MYLK3: variants seen among roughly 807,000 people sequenced by gnomAD.
The protein encoded by MYLK3 is MLC kinase.
MYLK3 carries 55 observed loss-of-function variants against 76.3 expected under a neutral mutation model. The observed-to-expected ratio is 0.72, with a 90% CI of 0.58 to 0.90. MYLK3 has a LOEUF of 0.90. MYLK3 is among the 40% of genes least tolerant of loss of function. The pLI is 0.00. For missense variants in MYLK3, 973 were observed against 1,053.6 expected, an observed-to-expected ratio of 0.92 and a Z score of 1.06; for synonymous variants, 416 against 425.4, an observed-to-expected ratio of 0.98 and a Z score of 0.27.
At chr16:46,744,267 C>T (rs955121438) in intron 1 of MYLK3, among the ~76,000 whole-genome samples, 12 of 143,552 alleles carry the variant, frequency 8.4e-5, no homozygotes, top group African/African-American at 1.8e-4. Flanking sequence ...CTCCTGACCT[C>T]GTGATCTGCC....
chr16:46,728,827 T>C (rs1406537185), intron 7 of MYLK3, among the ~76,000 whole-genome samples, 197 bp downstream of exon 7: 2 of 152,136 alleles, frequency 1.3e-5, no homozygotes, highest in African/African-American at 4.8e-5. Flanking sequence ...TGGCCACTGG[T>C]TTGTGACAAA....
upstream of MYLK3, among the ~76,000 whole-genome samples, chr16:46,752,367 T>A (rs1415108431): frequency 6.6e-6 from 1 of 152,162 alleles, no homozygotes; most frequent in Non-Finnish European, 1.5e-5. Context: ...CCTGCATAAC[T>A]GGGATTACAG....
In MYLK3 at chr16:46,732,628, T is replaced by A; in HGVS notation, c.1042A>T (p.Met348Leu). 1 of 1,566,382 alleles carries A rather than the reference T, an allele frequency of 6.4e-7. No homozygotes were observed. Among genetic ancestry groups the A allele is most frequent in the Non-Finnish European group, 8.6e-7 (1 of 1,162,848 alleles). Residue 348 changes from methionine to leucine, a missense_variant, in exon 4 of 13, where the codon ATG becomes TTG. Met to Leu is a conservative substitution (Grantham distance 15). This residue lies in a region of MYLK3 where 641 missense variants were observed against 637.0 expected (regional missense o/e 1.01). Transcript: ENST00000394809. ...AGGCTGCCCCTGCCTGTCATCAGCA[T>A]CTCCCCAGGAGTATCCATCTCTTGT... is the stretch of plus-strand genomic sequence containing the variant. ...HIQEMDTPGE[M>L]LMTGRGSLGP... is the part of the protein sequence containing the mutation.
chr16:46,732,501 C>A lies in MYLK3; in HGVS notation c.1169G>T (p.Gly390Val). Residue 390 changes from glycine (G) to valine (V), a missense_variant, in exon 4 of 13, where the codon GGA becomes GTA. Transcript: ENST00000394809. ...RCLQAPGTEPGEQTPEGAREL... is the reference protein window; with the variant it reads ...RCLQAPGTEPVEQTPEGAREL... ...TCTGGCTCCTTCAGGGGTCTGTTCT[C>A]CGGGCTCAGTCCCAGGGGCTTGGAG... 1 of 1,607,480 alleles carries A rather than the reference C, an allele frequency of 6.2e-7. No homozygotes were observed. Among genetic ancestry groups the A allele is most frequent in the Middle Eastern group, 1.7e-4 (1 of 6,056 alleles).
At chr16:46,719,136 G>A (rs933230014) in intron 9 of MYLK3, among the ~76,000 whole-genome samples, 1 of 152,012 alleles carries the variant, frequency 6.6e-6, no homozygotes, top group Admixed American at 6.6e-5. Context: ...AGACCATCCT[G>A]GCCAACATGG....
rs576051348 is a variant in MYLK3 at position 46,704,643 on chromosome 16, A to G, written c.*3061T>C. On this transcript the variant is annotated 3_prime_UTR_variant, in exon 13 of 13. Transcript: ENST00000394809. ...TATTTTTGATACACTAAGTTATATA[A>G]ATTATTAAAATTGGCTTTCAATGGG... 1.3e-4 allele frequency: 20 copies of G among 152,260 alleles called. No individual in the cohort carries two copies. Among genetic ancestry groups the G allele is most frequent in the Admixed American group, 4.6e-4 (7 of 15,298 alleles). The allele number at this position is 152,260 out of a possible 1,614,324, so 9.4% of individuals were successfully genotyped here.
chr16:46,730,957 C>G (rs1966851491), intron 4 of MYLK3, among the ~76,000 whole-genome samples: 1 of 152,268 alleles, frequency 6.6e-6, no homozygotes. Flanking sequence ...TCTATCCAGT[C>G]TGTTCATGAC....
At position 46,720,644 on chromosome 16, in the gene MYLK3, T is replaced by A. The variant is rs117526359; in HGVS notation, c.1985+479A>T. Among the ~76,000 whole-genome samples the A allele has an allele frequency of 2.0e-4, 31 of 152,328 alleles. No homozygotes were observed. The East Asian group carries it at 6.0e-3, about 29-fold the overall frequency. ...GTATTATATCACCATTTCACCAAGA[T>A]GTAAACCAGTCCTGAGTGGTTACAG... On this transcript the variant is annotated intron_variant, in intron 9 of 12. Transcript: ENST00000394809.
intron 8 of MYLK3, 127 bp from the exon 9 acceptor site, chr16:46,721,320 G>T: frequency 1.3e-6 from 1 of 757,674 alleles, no homozygotes; most frequent in South Asian, 1.6e-5. Context: ...GCCCTGCAAG[G>T]GCTGGATAGA....
chr16:46,760,488 A>G lies in MYLK3; in HGVS notation c.-114+2552T>C, dbSNP rs1303786808. 2.0e-5 allele frequency among the ~76,000 whole-genome samples: 3 copies of G among 152,194 alleles called. No individual in the cohort carries two copies. The East Asian group carries it at 5.8e-4, about 29-fold the overall frequency. ...TCTGAGCTCTGCTTGTGCCATGGGA[A>G]ACCCCAAAAGTCTGGACAGGAGTGA... is the stretch of plus-strand genomic sequence containing the variant. On this transcript the variant is annotated intron_variant, in intron 1 of 11. Coordinates refer to the MYLK3 transcript ENST00000536476.
chr16:46,757,418 T>TTACCGCAAA, intron 1 of MYLK3: 1 of 985,464 alleles, frequency 1.0e-6, no homozygotes, highest in Non-Finnish European at 1.2e-6. Context: ...AGAGCTGCCC[T>TTACCGCAAA]TACCGCAAAT....
rs1455658869 is a variant in MYLK3 at position 46,737,811 on chromosome 16, C to T, written c.901G>A (p.Gly301Ser). ...CCAGGCCCTGGAGTCAGCCTCGTGC[C>T]TTCCTCTAAGGGCTCAGGGTCAGGC... is the stretch of plus-strand genomic sequence containing the variant. ...SRPDPEPLEE[G>S]TRLTPGPGPQ... The change falls in exon 3 of 13, where the codon GGC becomes AGC. Residue 301 changes from glycine (G) to serine (S), a missense_variant. Physicochemically the swap from Gly to Ser is moderately conservative, Grantham distance 56. Transcript: ENST00000394809. 1 of 1,613,194 alleles carries T rather than the reference C, an allele frequency of 6.2e-7. No individual in the cohort carries two copies. Among genetic ancestry groups the T allele is most frequent in the Non-Finnish European group, 8.5e-7 (1 of 1,180,038 alleles).
intron 1 of MYLK3, among the ~76,000 whole-genome samples, chr16:46,761,804 C>T (rs568820256): frequency 6.6e-6 from 1 of 151,872 alleles, no homozygotes; most frequent in South Asian, 2.1e-4. Context: ...GGCAACAGAG[C>T]GAGACTCCAT....
chr16:46,730,383 G>A (rs36459), intron 5 of MYLK3, among the ~76,000 whole-genome samples: 149,937 of 152,206 alleles, frequency 0.99, 73,879 homozygotes, highest in East Asian at 1. Context: ...GATGCCACGT[G>A]GGCTCTCGTG....
rs566301148 is a variant in MYLK3 at position 46,736,813 on chromosome 16, G to A, written c.1001+898C>T. On this transcript the variant is annotated intron_variant, in intron 3 of 12. Coordinates refer to ENST00000394809, the MANE Select transcript of MYLK3 (RefSeq NM_182493.3). Reference sequence around the variant, plus strand: ...ATGCTAGGAAACACCAGGTCCCTCCGAGAGAAGCCCGGGGCCACAGCGCCC... The same window carrying A: ...ATGCTAGGAAACACCAGGTCCCTCCAAGAGAAGCCCGGGGCCACAGCGCCC... Among the ~76,000 whole-genome samples the A allele has an allele frequency of 1.2e-4, 19 of 152,326 alleles. No homozygotes were observed. The South Asian group carries it at 1.9e-3, about 15-fold the overall frequency.
chr16:46,740,011 C>A (rs1235976911), intron 2 of MYLK3, 46 bp downstream of exon 2: 1 of 1,363,780 alleles, frequency 7.3e-7, no homozygotes, highest in Non-Finnish European at 1.0e-6. Flanking sequence ...TATTCTGAAG[C>A]TGTTGTGTCT....
chr16:46,722,318 C>T (rs77691448), intron 8 of MYLK3, among the ~76,000 whole-genome samples: 2 of 152,192 alleles, frequency 1.3e-5, no homozygotes, highest in Admixed American at 6.5e-5. Flanking sequence ...CTCAATGTCT[C>T]CATACGTAAA....
In MYLK3 at chr16:46,727,001, G is replaced by C. The variant is rs1966844073; in HGVS notation, c.1914+235C>G. On this transcript the variant is annotated intron_variant, in intron 8 of 12. Transcript: ENST00000394809. The stretch of plus-strand genomic sequence containing the variant: ...TTAAAGATATTTTTAAAGAAGAAAA[G>C]CTCATTGTTTCACTTAATCTTCAAA... 6 of 395,390 alleles carry C rather than the reference G, an allele frequency of 1.5e-5. No individual in the cohort carries two copies. The South Asian group carries it at 5.2e-4, about 34-fold the overall frequency. The allele number at this position is 395,390 out of a possible 1,614,324, so 24.5% of individuals were successfully genotyped here.
chr16:46,710,899 G>T, intron 10 of MYLK3, 110 bp from the exon 11 acceptor site: 1 of 1,312,706 alleles, frequency 7.6e-7, no homozygotes, highest in Non-Finnish European at 1.1e-6. Context: ...GAACCAAGAG[G>T]GTTCAAAATA....
Sources: allele counts gnomAD v4.1 joint callset (sites outside exome capture counted in the v4.1 genomes callset), GRCh38; gene constraint gnomAD v4.1.1; regional missense constraint gnomAD v4.1.1; transcripts MANE v1.5; gene names NCBI Gene and HGNC (gene_info 2026-07-23, HGNC 2026-07-21).